Variants in SCNN1B observed in about 807,000 individuals in gnomAD.
SCNN1B encodes sodium channel epithelial 1 subunit beta.
In SCNN1B, 46 loss-of-function variants were observed where a neutral mutation model predicts 65.3. The observed-to-expected ratio is 0.70, with a 90% CI of 0.56 to 0.90. The LOEUF is 0.90. Ranked by LOEUF, SCNN1B falls within the 40% of genes least tolerant of loss-of-function variation. The pLI is 0.00. For synonymous variants in SCNN1B, 349 were observed against 330.6 expected (o/e 1.06, Z -0.60); for missense variants, 751 against 830.5 (o/e 0.90, Z 1.18).
chr16:23,379,416 G>A (rs985968381), intron 11 of SCNN1B, among the ~76,000 whole-genome samples: 2 of 152,146 alleles, frequency 1.3e-5, no homozygotes, highest in African/African-American at 4.8e-5. Context: ...AGGAGCCTCA[G>A]TCTGCCTGAG....
At chr16:23,359,495 CCA>C (rs1470579261) in intron 4 of SCNN1B, 1 of 152,308 alleles carries the variant, frequency 6.6e-6, no homozygotes, top group Non-Finnish European at 1.5e-5. Context: ...TTCCTCACTC[CCA>C]CAGTTGACTG....
chr16:23,337,374 CTTT>C (rs11455298), intron 1 of SCNN1B, among the ~76,000 whole-genome samples: 6 of 134,098 alleles, frequency 4.5e-5, no homozygotes, highest in Admixed American at 7.7e-5. Flanking sequence ...CTCTTTCTTT[CTTT>C]TTTTTTTTTT....
chr16:23,286,708 C>T (rs570969521), intron 2 of SCNN1B, among the ~76,000 whole-genome samples: 52 of 152,246 alleles, frequency 3.4e-4, no homozygotes, highest in African/African-American at 1.1e-3. Context: ...GACAATGGTC[C>T]TAGTTGCTTC....
chr16:23,328,821 G>A (rs965691122), intron 1 of SCNN1B, among the ~76,000 whole-genome samples: 1 of 152,066 alleles, frequency 6.6e-6, no homozygotes, highest in African/African-American at 2.4e-5. Context: ...TTTGAGACAG[G>A]GTCTCGCTCT....
At chr16:23,322,424 C>T (rs1327864132) in intron 1 of SCNN1B, among the ~76,000 whole-genome samples, 4 of 152,074 alleles carry the variant, frequency 2.6e-5, no homozygotes, top group Non-Finnish European at 5.9e-5. Context: ...CCTCAGCTCC[C>T]GAGTAGCTGG....
At chr16:23,378,825 G>T (rs1962969428) in intron 11 of SCNN1B, 58 bp downstream of exon 11, 11 of 1,522,252 alleles carry the variant, frequency 7.2e-6, no homozygotes. Context: ...GAAACTCGGG[G>T]CAGGAGTTTG....
chr16:23,294,246 A>C (rs971370758), intron 2 of SCNN1B, among the ~76,000 whole-genome samples: 2 of 152,162 alleles, frequency 1.3e-5, no homozygotes, highest in Admixed American at 6.5e-5. Context: ...AAATACAAAA[A>C]TTAGCCACGC....
chr16:23,304,302 A>T (rs1367808332), intron 1 of SCNN1B, among the ~76,000 whole-genome samples: 2 of 151,578 alleles, frequency 1.3e-5, no homozygotes, highest in Non-Finnish European at 2.9e-5. Context: ...TTCACACACA[A>T]GCACACACGG....
chr16:23,341,372 A>G (rs1962051954), intron 1 of SCNN1B, among the ~76,000 whole-genome samples: 1 of 152,188 alleles, frequency 6.6e-6, no homozygotes, highest in Non-Finnish European at 1.5e-5. Flanking sequence ...AAGCATAGAA[A>G]CAGATCTTCA....
chr16:23,294,311 C>T (rs138130266), intron 2 of SCNN1B, among the ~76,000 whole-genome samples: 342 of 152,252 alleles, frequency 2.2e-3, no homozygotes, highest in African/African-American at 7.8e-3. Context: ...ACACGAGAAT[C>T]ACTTGCACCA....
In SCNN1B at chr16:23,378,786, G is replaced by A. The variant is rs774118143; in HGVS notation, c.1466+19G>A. 2.4e-5 allele frequency: 38 copies of A among 1,613,086 alleles called. No individual in the cohort carries two copies. The highest frequency in any genetic ancestry group is 4.5e-5 in the East Asian group (2 of 44,882). ...TGAGCAGGTGAGCCTGAGCCTGGGC[G>A]GGGCTGGGGAAGACAGGGAAGGGGT... On this transcript the variant is annotated intron_variant, in intron 11 of 12. Coordinates refer to ENST00000343070, the MANE Select transcript of SCNN1B (RefSeq NM_000336.3).
At chr16:23,285,577 G>A (rs994377962) in intron 2 of SCNN1B, among the ~76,000 whole-genome samples, 1 of 152,032 alleles carries the variant, frequency 6.6e-6, no homozygotes, top group African/African-American at 2.4e-5. Flanking sequence ...TTGAGCCCGG[G>A]AGTTGAAGAA....
At chr16:23,303,265 G>A (rs896204524) in intron 1 of SCNN1B, among the ~76,000 whole-genome samples, 6 of 152,052 alleles carry the variant, frequency 3.9e-5, no homozygotes, top group Non-Finnish European at 2.9e-5. Context: ...TCCACAAAAG[G>A]CACATCTTCC....
At chr16:23,280,424 A>T (rs141288646) in intron 1 of SCNN1B, among the ~76,000 whole-genome samples, 2 of 152,044 alleles carry the variant, frequency 1.3e-5, no homozygotes, top group African/African-American at 4.8e-5. Flanking sequence ...GGATTTCCCC[A>T]TGTTGCCCAG....
chr16:23,312,857 C>G (rs550794248), intron 1 of SCNN1B, among the ~76,000 whole-genome samples: 79 of 152,216 alleles, frequency 5.2e-4, no homozygotes, highest in Non-Finnish European at 2.6e-4. Flanking sequence ...GATTCCCCTC[C>G]CCAACCCTCA....
At chr16:23,366,062 C>A (rs1596877979) in intron 4 of SCNN1B, among the ~76,000 whole-genome samples, 1 of 152,194 alleles carries the variant, frequency 6.6e-6, no homozygotes, top group Non-Finnish European at 1.5e-5. Context: ...ACAGGCCTGG[C>A]CCATAAAAGT....
chr16:23,338,379 G>A (rs1412571564), intron 1 of SCNN1B, among the ~76,000 whole-genome samples: 1 of 152,198 alleles, frequency 6.6e-6, no homozygotes, highest in Non-Finnish European at 1.5e-5. Flanking sequence ...TAAAGAGTCA[G>A]TCATGTCCTC....
At chr16:23,349,822 G>T (rs1443593249) in intron 2 of SCNN1B, among the ~76,000 whole-genome samples, 3 of 151,998 alleles carry the variant, frequency 2.0e-5, no homozygotes, top group Non-Finnish European at 4.4e-5. Flanking sequence ...ACTCAGCCGG[G>T]CACCATGGCT....
intron 4 of SCNN1B, among the ~76,000 whole-genome samples, chr16:23,360,172 T>C (rs1356329895): frequency 6.7e-6 from 1 of 149,948 alleles, no homozygotes; most frequent in East Asian, 2.0e-4. Context: ...CACTCCAGCC[T>C]GGGAGAGAGA....
Sources: gnomAD v4.1 joint callset for allele counts (sites outside exome capture counted in the v4.1 genomes callset) on GRCh38, gnomAD v4.1.1 for gene constraint, MANE v1.5 for transcripts, NCBI Gene and HGNC (gene_info 2026-07-23, HGNC 2026-07-21) for gene names.